Variants in EYS observed in about 807,000 individuals in gnomAD.
EYS encodes the protein protein eyes shut homolog.
EYS carries 250 observed loss-of-function variants against 282.1 expected under a neutral mutation model. That is an observed-to-expected ratio of 0.89 (90% CI 0.80 to 0.98). The LOEUF is 0.98. Ranked by LOEUF, EYS falls within the 50% of genes least tolerant of loss-of-function variation. EYS has a pLI of 0.00. For synonymous variants in EYS, 1,355 were observed against 1,282.9 expected, an observed-to-expected ratio of 1.06 and a Z score of -1.20; for missense variants, 4,016 against 3,709.0, an observed-to-expected ratio of 1.08 and a Z score of -2.15.
intron 30 of EYS, 31 bp from the exon 31 acceptor site, chr6:64,230,855 A>G (rs1180694849): frequency 7.4e-7 from 1 of 1,345,794 alleles, no homozygotes; most frequent in African/African-American, 1.5e-5. Flanking sequence ...AGAAAACAAA[A>G]TATAAGTAAA....
chr6:65,273,020 G>C (rs961136959), intron 12 of EYS, among the ~76,000 whole-genome samples: 6 of 151,998 alleles, frequency 3.9e-5, no homozygotes, highest in Non-Finnish European at 7.4e-5. Context: ...TGCAATAACC[G>C]TAACAGTCAA....
chr6:65,319,503 G>A (rs555467988), intron 11 of EYS, among the ~76,000 whole-genome samples: 3,984 of 152,046 alleles, frequency 0.026, 150 homozygotes, highest in African/African-American at 0.088. Context: ...ACATTTAAAT[G>A]TACTGTCCTG....
chr6:64,732,611 A>G (rs1583092460), intron 22 of EYS, among the ~76,000 whole-genome samples: 1 of 152,356 alleles, frequency 6.6e-6, no homozygotes, highest in Middle Eastern at 3.4e-3. Context: ...CTAGTGGCGT[A>G]TAGTAAAATT....
intron 29 of EYS, among the ~76,000 whole-genome samples, chr6:64,325,472 G>C (rs1770380559): frequency 6.6e-6 from 1 of 152,114 alleles, no homozygotes; most frequent in African/African-American, 2.4e-5. Context: ...AAAGGAACTA[G>C]ATAACCAACT....
chr6:65,297,508 A>G (rs1407903827), intron 11 of EYS, among the ~76,000 whole-genome samples: 1 of 152,016 alleles, frequency 6.6e-6, no homozygotes, highest in Non-Finnish European at 1.5e-5. Flanking sequence ...TATTAACGGT[A>G]GGAAGTGTAG....
At chr6:64,621,982 A>C in intron 23 of EYS, among the ~76,000 whole-genome samples, 1 of 152,112 alleles carries the variant, frequency 6.6e-6, no homozygotes, top group East Asian at 1.9e-4. Context: ...AAAACACACT[A>C]AGTGTGTTTC....
chr6:64,696,511 C>A (rs981766354), intron 22 of EYS, among the ~76,000 whole-genome samples: 4 of 152,014 alleles, frequency 2.6e-5, no homozygotes, highest in Admixed American at 1.3e-4. Flanking sequence ...AAAATTCCAG[C>A]AAAGTATATT....
At position 64,103,783 on chromosome 6, in the gene EYS, A is replaced by T. The variant is rs140618696; in HGVS notation, c.6425-21781T>A. 6.4e-4 allele frequency among the ~76,000 whole-genome samples: 98 copies of T among 152,280 alleles called. 1 individual carries two copies. The East Asian group carries it at 0.015, about 23-fold the overall frequency. ...ATTAGGAAGAGCAAGAAGTGTTTTT[A>T]AAAAAGCTTTAACAATAGTACAGGT... On this transcript the variant is annotated intron_variant, in intron 31 of 42. Transcript: ENST00000503581.
At chr6:63,871,400 C>T (rs1435220640) in intron 35 of EYS, among the ~76,000 whole-genome samples, 1 of 152,146 alleles carries the variant, frequency 6.6e-6, no homozygotes, top group African/African-American at 2.4e-5. Context: ...GTGACTCATG[C>T]CTATAATCTC....
chr6:64,020,293 C>T (rs1769126413), intron 33 of EYS, among the ~76,000 whole-genome samples: 1 of 152,104 alleles, frequency 6.6e-6, no homozygotes, highest in South Asian at 2.1e-4. Context: ...GATTTTTACA[C>T]ATACAATGCA....
chr6:65,672,860 A>G (rs992450998), intron 1 of EYS, among the ~76,000 whole-genome samples: 2 of 152,114 alleles, frequency 1.3e-5, no homozygotes, highest in Admixed American at 6.6e-5. Context: ...GAGTCCAAAA[A>G]GAGAGTCAGT....
chr6:64,183,225 C>A (rs1182844887), intron 31 of EYS, among the ~76,000 whole-genome samples: 3 of 152,108 alleles, frequency 2.0e-5, no homozygotes, highest in Non-Finnish European at 4.4e-5. Flanking sequence ...CCCACACATG[C>A]GGAACTGTGA....
intron 26 of EYS, among the ~76,000 whole-genome samples, chr6:64,525,849 C>G (rs1777900068): frequency 1.3e-5 from 2 of 151,586 alleles, no homozygotes; most frequent in South Asian, 4.1e-4. Flanking sequence ...CCATATGATC[C>G]AGAAATTGTA....
At position 64,230,947 on chromosome 6, in the gene EYS, C is replaced by T. The variant is rs745476926; in HGVS notation, c.6192-123G>A. 17 of 529,548 alleles carry T rather than the reference C, an allele frequency of 3.2e-5. No homozygotes were observed. The East Asian group carries it at 5.1e-4, about 16-fold the overall frequency. The allele number at this position is 529,548 out of a possible 1,614,324, so 32.8% of individuals were successfully genotyped here. A position where few individuals can be genotyped will look rare whatever the true frequency, so the allele number is the denominator to read the frequency against. On this transcript the variant is annotated intron_variant, in intron 30 of 42. Coordinates refer to ENST00000503581, the MANE Select transcript of EYS (RefSeq NM_001142800.2). ...GAAACCAATACTGATCAAGGTTTAA[C>T]TGAGGACAAATAAAATTATCATGTT...
intron 2 of EYS, among the ~76,000 whole-genome samples, chr6:65,635,985 T>C (rs1767073810): frequency 6.6e-6 from 1 of 152,218 alleles, no homozygotes; most frequent in Non-Finnish European, 1.5e-5. Context: ...TGAGATTGAT[T>C]TGAGTAACAA....
At chr6:64,123,911 C>A (rs185408079) in intron 31 of EYS, among the ~76,000 whole-genome samples, 105 of 152,210 alleles carry the variant, frequency 6.9e-4, no homozygotes, top group African/African-American at 2.5e-3. Flanking sequence ...AAATTCTTTC[C>A]TTGGGCTCAG....
intron 19 of EYS, among the ~76,000 whole-genome samples, chr6:64,879,779 G>T (rs1416218861): frequency 2.6e-5 from 4 of 152,018 alleles, no homozygotes; most frequent in Admixed American, 2.6e-4. Context: ...GAAAGAGTAA[G>T]AAAACATATT....
intron 12 of EYS, among the ~76,000 whole-genome samples, chr6:65,203,870 A>C (rs2150247456): frequency 6.6e-6 from 1 of 152,026 alleles, no homozygotes; most frequent in African/African-American, 2.4e-5. Flanking sequence ...CAAAATAGAT[A>C]TATTTTTTAA....
chr6:64,223,156 G>A (rs1033482912), intron 31 of EYS, among the ~76,000 whole-genome samples: 2 of 151,858 alleles, frequency 1.3e-5, no homozygotes, highest in Non-Finnish European at 2.9e-5. Context: ...AAATTAAGTT[G>A]CATGATCACT....
Sources: allele counts gnomAD v4.1 joint callset (sites outside exome capture counted in the v4.1 genomes callset), GRCh38; gene constraint gnomAD v4.1.1; transcripts MANE v1.5; gene names NCBI Gene and HGNC (gene_info 2026-07-23, HGNC 2026-07-21).